MGAT4A: variants seen among roughly 807,000 people sequenced by gnomAD.
MGAT4A encodes the protein N-acetylglucosaminyltransferase IVa.
In MGAT4A, 33 loss-of-function variants were observed where a neutral mutation model predicts 74.1. The observed-to-expected ratio is 0.45, with a 90% confidence interval of 0.34 to 0.60. The LOEUF is 0.60. Among genes scored for constraint, MGAT4A ranks in the 20% least tolerant of loss-of-function variants. MGAT4A has a pLI of 0.02. For missense variants in MGAT4A, 479 were observed against 628.3 expected (o/e 0.76, Z 2.54); for synonymous variants, 198 against 210.4 (o/e 0.94, Z 0.51).
intron 14 of MGAT4A, among the ~76,000 whole-genome samples, chr2:98,631,002 C>T (rs72825719): frequency 0.16 from 24,089 of 152,174 alleles, 2,045 homozygotes; most frequent in Middle Eastern, 0.22. Flanking sequence ...TTGACAGGGA[C>T]GGCCAAGGGC....
rs1242190211 is a variant in MGAT4A at position 98,622,739 on chromosome 2, C to G, written c.*2827G>C. ...ATGAGCAGTATGAGCTGCAGGCTCGCCTCAGGAACCTGAAATCTGGTCAGA... is the reference window on the plus strand; with the variant it reads ...ATGAGCAGTATGAGCTGCAGGCTCGGCTCAGGAACCTGAAATCTGGTCAGA... On this transcript the variant is annotated 3_prime_UTR_variant, in exon 16 of 16. Transcript: ENST00000393487. The G allele has an allele frequency of 2.0e-6, 2 of 985,596 alleles. No homozygotes were observed. The highest frequency in any genetic ancestry group is 2.4e-6 in the Non-Finnish European group (2 of 830,168). The allele number at this position is 985,596 out of a possible 1,614,324, so 61.1% of individuals were successfully genotyped here. A position where few individuals can be genotyped will look rare whatever the true frequency, so the allele number is the denominator to read the frequency against.
At chr2:98,672,803 A>C (rs1236711109) in intron 4 of MGAT4A, among the ~76,000 whole-genome samples, 1 of 152,182 alleles carries the variant, frequency 6.6e-6, no homozygotes, top group East Asian at 1.9e-4. Flanking sequence ...TTTAAATATA[A>C]TCATTGAAAT....
intron 2 of MGAT4A, among the ~76,000 whole-genome samples, chr2:98,683,042 C>G (rs1388446210): frequency 3.3e-5 from 5 of 151,316 alleles, no homozygotes; most frequent in African/African-American, 1.2e-4. Context: ...GAGCCGAGAT[C>G]GCGCCACTGC....
At chr2:98,660,236 A>T (rs1368808585) in intron 5 of MGAT4A, among the ~76,000 whole-genome samples, 1 of 42,556 alleles carries the variant, frequency 2.3e-5, no homozygotes, top group Non-Finnish European at 3.8e-5. Context: ...AGAACACACA[A>T]ATAAATAGAT....
At chr2:98,667,699 G>GTTT (rs570402430) in intron 4 of MGAT4A, among the ~76,000 whole-genome samples, 55 of 124,824 alleles carry the variant, frequency 4.4e-4, no homozygotes, top group African/African-American at 1.5e-3. Flanking sequence ...TTCAGTTTTT[G>GTTT]TTGTTGTTGT....
At chr2:98,638,343 CATA>C (rs1211014874) in intron 12 of MGAT4A, among the ~76,000 whole-genome samples, 1 of 152,056 alleles carries the variant, frequency 6.6e-6, no homozygotes, top group Admixed American at 6.5e-5. Context: ...CATATAATGC[CATA>C]ATCTATAAAA....
At chr2:98,650,699 C>T (rs551564871) in intron 8 of MGAT4A, among the ~76,000 whole-genome samples, 2 of 152,212 alleles carry the variant, frequency 1.3e-5, no homozygotes, top group Admixed American at 6.5e-5. Flanking sequence ...ACCTGTAATC[C>T]CAGCACTTTG....
intron 8 of MGAT4A, among the ~76,000 whole-genome samples, chr2:98,654,649 G>C (rs1701633022): frequency 6.6e-6 from 1 of 152,022 alleles, no homozygotes; most frequent in Admixed American, 6.6e-5. Context: ...AATCAAAGAA[G>C]ATACAAATAA....
intron 2 of MGAT4A, among the ~76,000 whole-genome samples, chr2:98,680,541 G>A (rs6755884): frequency 0.022 from 3,297 of 152,148 alleles, 127 homozygotes; most frequent in African/African-American, 0.074. Flanking sequence ...TGTCTTAACT[G>A]CCATGCTTCA....
chr2:98,674,930 G>C, intron 4 of MGAT4A, 105 bp downstream of exon 4: 1 of 1,178,208 alleles, frequency 8.5e-7, no homozygotes, highest in South Asian at 1.4e-5. Context: ...GATAAAGAAA[G>C]AACTTTCATT....
At chr2:98,655,633 T>TACAC (rs934810674) in intron 7 of MGAT4A, 113 bp from the exon 8 acceptor site, 1 of 653,308 alleles carries the variant, frequency 1.5e-6, no homozygotes, top group African/African-American at 1.8e-5. Flanking sequence ...TGTATATGTG[T>TACAC]ACACACACAC....
At chr2:98,685,685 T>C (rs1702119245) in intron 2 of MGAT4A, among the ~76,000 whole-genome samples, 2 of 152,206 alleles carry the variant, frequency 1.3e-5, no homozygotes, top group African/African-American at 4.8e-5. Flanking sequence ...AGCTAAAACT[T>C]ACAAACGAGA....
In MGAT4A at chr2:98,625,714, T is replaced by C. The variant is rs114541780; in HGVS notation, c.1581+9A>G. Reference sequence around the variant, plus strand: ...TCTAAGTTGTTTCACTGATTTGATATATGCTTACCTCATTAAGAATGGCCC... The same window carrying C: ...TCTAAGTTGTTTCACTGATTTGATACATGCTTACCTCATTAAGAATGGCCC... On this transcript the variant is annotated intron_variant, in intron 15 of 15. Coordinates refer to ENST00000393487, the MANE Select transcript of MGAT4A (RefSeq NM_012214.3). 2.4e-3 allele frequency: 3,836 copies of C among 1,596,048 alleles called. 16 individuals carry two copies. Among genetic ancestry groups the C allele is most frequent in the Non-Finnish European group, 3.0e-3 (3,508 of 1,167,326 alleles).
At chr2:98,723,261 T>C (rs1377027071) in intron 2 of MGAT4A, among the ~76,000 whole-genome samples, 1 of 152,148 alleles carries the variant, frequency 6.6e-6, no homozygotes, top group Non-Finnish European at 1.5e-5. Flanking sequence ...AACTCCTCCC[T>C]TCTCAGGCCC....
At chr2:98,637,075 C>T (rs533324053) in intron 12 of MGAT4A, among the ~76,000 whole-genome samples, 99 of 152,092 alleles carry the variant, frequency 6.5e-4, no homozygotes, top group African/African-American at 2.3e-3. Context: ...TTTGGGAGGC[C>T]GAGGTAGGAG....
Position 98,622,298 on chromosome 2 carries a change from T to C in MGAT4A, c.*3268A>G. ...TCTGCAGTGATGGAAAAGTTCTGCA[T>C]CCGTGGTGTCAAGTGTGGTGGCCAC... On this transcript the variant is annotated 3_prime_UTR_variant, in exon 16 of 16. Coordinates refer to ENST00000393487, the MANE Select transcript of MGAT4A (RefSeq NM_012214.3). 8.1e-6 allele frequency: 8 copies of C among 985,478 alleles called. No individual in the cohort carries two copies. Among genetic ancestry groups the C allele is most frequent in the Non-Finnish European group, 9.6e-6 (8 of 829,952 alleles). The allele number at this position is 985,478 out of a possible 1,614,324, so 61.0% of individuals were successfully genotyped here.
At chr2:98,662,930 C>CT in intron 5 of MGAT4A, 116 bp downstream of exon 5, 1 of 755,698 alleles carries the variant, frequency 1.3e-6, no homozygotes, top group African/African-American at 1.8e-5. Context: ...ATTACCTAAG[C>CT]TTTACTCATC....
At chr2:98,680,649 A>G (rs1203187653) in intron 2 of MGAT4A, among the ~76,000 whole-genome samples, 1 of 152,210 alleles carries the variant, frequency 6.6e-6, no homozygotes, top group Non-Finnish European at 1.5e-5. Flanking sequence ...GTGATAGGGA[A>G]AGGGCATACC....
chr2:98,681,832 T>C (rs554591087), intron 2 of MGAT4A, among the ~76,000 whole-genome samples: 5 of 152,008 alleles, frequency 3.3e-5, no homozygotes, highest in African/African-American at 4.8e-5. Flanking sequence ...GAAATAACTT[T>C]AAGATAAACC....
Sources: gnomAD v4.1 joint callset for allele counts (sites outside exome capture counted in the v4.1 genomes callset) on GRCh38, gnomAD v4.1.1 for gene constraint, MANE v1.5 for transcripts, NCBI Gene and HGNC (gene_info 2026-07-23, HGNC 2026-07-21) for gene names.